Variants in ATP13A1 observed in about 807,000 individuals in gnomAD.
The protein encoded by ATP13A1 is ATPase 13A1.
A neutral mutation model predicts 134.8 loss-of-function variants in ATP13A1; 55 were observed. That is an observed-to-expected ratio of 0.41 (90% CI 0.33 to 0.51). The LOEUF is 0.51. Ranked by LOEUF, ATP13A1 falls within the 20% of genes least tolerant of loss-of-function variation. The probability of loss-of-function intolerance (pLI) is 0.29; values close to 1 mark genes in which losing one functional copy is unlikely to be tolerated. For missense variants in ATP13A1, 1,389 were observed against 1,652.8 expected, an observed-to-expected ratio of 0.84 and a Z score of 2.77; for synonymous variants, 775 against 725.1, an observed-to-expected ratio of 1.07 and a Z score of -1.10.
At chr19:19,646,528 GC>G in intron 22 of ATP13A1, 181 bp from the exon 23 acceptor site, 1 of 721,970 alleles carries the variant, frequency 1.4e-6, no homozygotes, top group Non-Finnish European at 2.2e-6. Flanking sequence ...TCACCCCTGA[GC>G]CCAGGGCTGC....
intron 17 of ATP13A1, chr19:19,650,316 C>T (rs1196953908): frequency 1.2e-5 from 3 of 245,966 alleles, no homozygotes; most frequent in Non-Finnish European, 1.6e-5. Flanking sequence ...CCTCATTTAT[C>T]CCTGCGCCCG....
Position 19,647,744 on chromosome 19 carries a change from G to A in ATP13A1, c.2648C>T (p.Ala883Val), listed in dbSNP as rs777882677. Residue 883 changes from alanine to valine, a missense_variant, in exon 20 of 26, where the codon GCC (alanine) becomes GTC (valine). Ala to Val is a moderately conservative substitution (Grantham distance 64). Transcript: ENST00000357324. The surrounding 1 kb of genome is among the most constrained non-coding windows in gnomAD (Gnocchi z 4.8). Reference sequence around the variant, plus strand: ...CTCGACAACCCGCTCAGGGGCATTGGCCAAGAGCGCCACACCTGGGGGGCA... The same window carrying A: ...CTCGACAACCCGCTCAGGGGCATTGACCAAGAGCGCCACACCTGGGGGGCA... ...KHADVGVALLANAPERVVERR... is the reference protein window; with the variant it reads ...KHADVGVALLVNAPERVVERR... 3.1e-6 allele frequency: 5 copies of A among 1,599,324 alleles called. No individual in the cohort carries two copies. The South Asian group carries it at 4.5e-5, about 14-fold the overall frequency.
intron 3 of ATP13A1, among the ~76,000 whole-genome samples, chr19:19,658,519 T>C (rs2062074166): frequency 6.6e-6 from 1 of 152,222 alleles, no homozygotes; most frequent in Non-Finnish European, 1.5e-5. Context: ...GATTGATAGT[T>C]GTAGTCAACA....
rs1360547791 is a variant in ATP13A1, at chr19:19,651,806, A to G, written c.2227-9T>C. The G allele has an allele frequency of 6.2e-7, 1 of 1,608,162 alleles. No individual in the cohort carries two copies. Among genetic ancestry groups the G allele is most frequent in the Non-Finnish European group, 8.5e-7 (1 of 1,176,260 alleles). ...CCCGTGATCATGACCACCTTGGGTA[A>G]AGAGGGGCAGAGGCTCAGCATGGCA... is the stretch of plus-strand genomic sequence containing the variant. On this transcript the variant is annotated splice_polypyrimidine_tract_variant and intron_variant, in intron 16 of 25. Coordinates refer to ENST00000357324, the MANE Select transcript of ATP13A1 (RefSeq NM_020410.3).
intron 15 of ATP13A1, 107 bp from the exon 16 acceptor site, chr19:19,652,827 CCT>C (rs2062033278): frequency 2.1e-6 from 3 of 1,416,664 alleles, no homozygotes; most frequent in Non-Finnish European, 2.8e-6. Context: ...AATGGAAGGC[CCT>C]GTTCCCGTAG....
At chr19:19,648,328 A>C (rs893988676) in intron 19 of ATP13A1, among the ~76,000 whole-genome samples, 2 of 152,034 alleles carry the variant, frequency 1.3e-5, no homozygotes, top group African/African-American at 4.8e-5. Flanking sequence ...AAATAAAACA[A>C]AACAAAACAA....
intron 17 of ATP13A1, 163 bp from the exon 18 acceptor site, chr19:19,650,103 G>A: frequency 1.5e-6 from 1 of 650,900 alleles, no homozygotes; most frequent in Non-Finnish European, 2.6e-6. Flanking sequence ...ACTCCACAAA[G>A]AATGTCCCTC....
Position 19,655,961 on chromosome 19 carries a change from T to C in ATP13A1, c.1214-28A>G, listed in dbSNP as rs774787251. 17 of 1,606,846 alleles carry C rather than the reference T, an allele frequency of 1.1e-5. No individual in the cohort carries two copies. Among genetic ancestry groups the C allele is most frequent in the Admixed American group, 1.0e-4 (6 of 59,540 alleles). The stretch of plus-strand genomic sequence containing the variant: ...GGGGAGAGAAGCAGAGTCACCGTCA[T>C]GCCTGTCTCCTCGTCCTGACTCCCT... On this transcript the variant is annotated intron_variant, in intron 8 of 25. Transcript: ENST00000357324. The surrounding 1 kb of genome is among the most constrained non-coding windows in gnomAD (Gnocchi z 5.7).
At position 19,654,017 on chromosome 19, in the gene ATP13A1, G is replaced by A. The variant is rs1238408366; in HGVS notation, c.1941C>T (p.Leu647=). 1.3e-6 allele frequency: 2 copies of A among 1,598,810 alleles called. No individual in the cohort carries two copies. The highest frequency in any genetic ancestry group is 1.7e-6 in the Non-Finnish European group (2 of 1,173,100). Reference sequence around the variant, plus strand: ...CCCCCTTCACGGCCGCGATGTAGCAGAGGTCGGTGGAGCCCAGCTTCTCAT... The same window carrying A: ...CCCCCTTCACGGCCGCGATGTAGCAAAGGTCGGTGGAGCCCAGCTTCTCAT... The part of the protein sequence containing the change: ...ASYEKLGSTD[L]CYIAAVKGAP... The change falls in exon 14 of 26, where the codon CTC becomes CTT. Residue 647 remains leucine, a synonymous_variant. Transcript: ENST00000357324.
intron 15 of ATP13A1, 142 bp from the exon 16 acceptor site, chr19:19,652,862 G>A (rs752030416): frequency 3.4e-5 from 42 of 1,218,884 alleles, no homozygotes; most frequent in Non-Finnish European, 4.1e-5. Flanking sequence ...AGGGTTGGGA[G>A]GGGAGAAATG....
intron 17 of ATP13A1, chr19:19,650,237 C>T: frequency 1.9e-6 from 1 of 513,666 alleles, no homozygotes; most frequent in Non-Finnish European, 3.5e-6. Flanking sequence ...TCATGCAAGG[C>T]CCCCTAACCT....
Position 19,654,046 on chromosome 19 carries a change from A to T in ATP13A1, c.1912T>A (p.Ser638Thr). Residue 638 changes from serine to threonine, a missense_variant, in exon 14 of 26, where the codon TCG (serine) becomes ACG (threonine). Physicochemically the swap from Ser to Thr is moderately conservative, Grantham distance 58. Coordinates refer to ENST00000357324, the MANE Select transcript of ATP13A1 (RefSeq NM_020410.3). ...TCGGTGGAGCCCAGCTTCTCATACG[A>T]GGCAAGCACGGACATTCGCTTCAGG... ...SALKRMSVLASYEKLGSTDLC... is the reference protein window; with the variant it reads ...SALKRMSVLATYEKLGSTDLC... The T allele has an allele frequency of 1.9e-6, 3 of 1,597,558 alleles. No individual in the cohort carries two copies. Among genetic ancestry groups the T allele is most frequent in the Non-Finnish European group, 2.6e-6 (3 of 1,172,334 alleles).
chr19:19,652,649 C>T lies in ATP13A1; in HGVS notation c.2172G>A (p.Pro724=), dbSNP rs760861293. ...KFVGFIVVSC[P]LKADSKAVIR... is the part of the protein sequence containing the mutation. ...TCACGGCCTTGGAGTCAGCCTTGAG[C>T]GGGCAGGAGACCACAATGAAGCCGA... The change falls in exon 16 of 26, where the codon CCG becomes CCA. Residue 724 remains proline (P), a synonymous_variant. Transcript: ENST00000357324. 22 of 1,608,358 alleles carry T rather than the reference C, an allele frequency of 1.4e-5. No individual in the cohort carries two copies. Among genetic ancestry groups the T allele is most frequent in the East Asian group, 1.3e-4 (6 of 44,710 alleles).
In ATP13A1 at chr19:19,655,930, A is replaced by G. The variant is rs746900786; in HGVS notation, c.1217T>C (p.Val406Ala). The change falls in exon 9 of 26, where the codon GTT (valine) becomes GCT (alanine). Residue 406 changes from valine to alanine, a missense_variant. Transcript: ENST00000357324. This position sits in a 1 kb window ranked among gnomAD's most constrained non-coding sequence, Gnocchi z 5.7. ...GACGTAGGCCACGCACCCGCTGTCA[A>G]CCGCTGGGGAGAGAAGCAGAGTCAC... ...PQKATTGLKP[V>A]DSGCVAYVLR... is the part of the protein sequence containing the mutation. 2 of 1,602,422 alleles carry G rather than the reference A, an allele frequency of 1.2e-6. No homozygotes were observed. The highest frequency in any genetic ancestry group is 2.2e-5 in the South Asian group (2 of 90,062).
In ATP13A1 at chr19:19,645,548, G is replaced by A; in HGVS notation, c.3505-16C>T. ...CCAGCTTGAACTGTCGGGGCAGGGA[G>A]GGATGGTGAGCTGGAGACCTGCAGC... On this transcript the variant is annotated splice_polypyrimidine_tract_variant and intron_variant, in intron 25 of 25. Transcript: ENST00000357324. This position sits in a 1 kb window ranked among gnomAD's most constrained non-coding sequence, Gnocchi z 4.1. The A allele has an allele frequency of 1.3e-6, 2 of 1,581,204 alleles. No individual in the cohort carries two copies. Among genetic ancestry groups the A allele is most frequent in the Non-Finnish European group, 1.7e-6 (2 of 1,163,900 alleles).
rs543597247 is a variant in ATP13A1 at position 19,661,107 on chromosome 19, A to AAAC, written c.397-1121_397-1120insGTT. Among the ~76,000 whole-genome samples, 1,288 of 152,150 alleles carry AAAC rather than the reference A, an allele frequency of 8.5e-3. 23 individuals are homozygous for AAAC. Among genetic ancestry groups the AAAC allele is most frequent in the African/African-American group, 0.03 (1,236 of 41,468 alleles). ...AACAAACAAACAAACAAACAAAAAA[A>AAAC]CCCCAAAAAACAAAACAAAAACAAA... On this transcript the variant is annotated intron_variant, in intron 1 of 25. Coordinates refer to ENST00000357324, the MANE Select transcript of ATP13A1 (RefSeq NM_020410.3).
chr19:19,658,149 C>CAAAAA (rs61328844), intron 3 of ATP13A1, among the ~76,000 whole-genome samples: 4 of 66,300 alleles, frequency 6.0e-5, no homozygotes, highest in African/African-American at 1.9e-4. Flanking sequence ...ACCCTGTCTC[C>CAAAAA]AAAAAAAAAA....
At position 19,656,863 on chromosome 19, in the gene ATP13A1, C is replaced by T. The variant is rs779410447; in HGVS notation, c.960G>A (p.Gly320=). ...CGGCCTCACCGATGGAGACGATGTC[C>T]CCTGGTACGATCTCATCACTGGCAA... is the stretch of plus-strand genomic sequence containing the variant. ...RPIASDEIVP[G]DIVSIGRSPQ... Residue 320 remains glycine (G), a synonymous_variant, in exon 6 of 26, where the codon GGG becomes GGA. Transcript: ENST00000357324. This position sits in a 1 kb window ranked among gnomAD's most constrained non-coding sequence, Gnocchi z 4.6. 2 of 1,612,558 alleles carry T rather than the reference C, an allele frequency of 1.2e-6. No individual in the cohort carries two copies. The highest frequency in any genetic ancestry group is 1.7e-6 in the Non-Finnish European group (2 of 1,179,426).
At position 19,653,781 on chromosome 19, in the gene ATP13A1, T is replaced by C; in HGVS notation, c.2100+3A>G. 6.5e-7 allele frequency: 1 copy of C among 1,548,958 alleles called. No individual in the cohort carries two copies. ...TGAAGGCAGGGGGAGCCTGGGCCCG[T>C]ACCTGCTGGTGAGTGAGGTGTCCCA... On this transcript the variant is annotated splice_donor_region_variant and intron_variant, in intron 15 of 25. Coordinates refer to ENST00000357324, the MANE Select transcript of ATP13A1 (RefSeq NM_020410.3). The surrounding 1 kb of genome is among the most constrained non-coding windows in gnomAD (Gnocchi z 4.2).
Sources: allele counts gnomAD v4.1 joint callset (sites outside exome capture counted in the v4.1 genomes callset), GRCh38; gene constraint gnomAD v4.1.1; non-coding constraint Gnocchi (gnomAD v3.1); transcripts MANE v1.5; gene names NCBI Gene and HGNC (gene_info 2026-07-23, HGNC 2026-07-21).